The following RIF1 variants were observed in gnomAD, a reference collection of about 807,000 sequenced individuals.
The protein encoded by RIF1 is replication timing regulatory factor 1.
Under a neutral mutation model 247.1 loss-of-function variants are expected in RIF1, and 45 were observed. The observed-to-expected ratio is 0.18, with a 90% CI of 0.14 to 0.23. The LOEUF (loss-of-function observed/expected upper bound fraction) is 0.23, where lower values mean the gene tolerates loss of function less well. RIF1 is among the 10% of genes least tolerant of loss of function. The probability of loss-of-function intolerance (pLI) is 1.00; values close to 1 mark genes in which losing one functional copy is unlikely to be tolerated. For synonymous variants in RIF1, 1,087 were observed against 978.8 expected (o/e 1.11, Z -2.06); for missense variants, 2,967 against 2,862.5 (o/e 1.04, Z -0.83).
intron 13 of RIF1, among the ~76,000 whole-genome samples, chr2:151,437,768 T>C (rs1216688025): frequency 6.6e-6 from 1 of 152,214 alleles, no homozygotes; most frequent in Non-Finnish European, 1.5e-5. Flanking sequence ...TTGAGAACTT[T>C]ACATTTATTC....
intron 19 of RIF1, among the ~76,000 whole-genome samples, chr2:151,445,878 T>C (rs1377591011): frequency 6.6e-6 from 1 of 152,084 alleles, no homozygotes; most frequent in African/African-American, 2.4e-5. Context: ...ATGACTTTAT[T>C]ACTAGCTTAG....
At chr2:151,512,754 T>A, downstream of RIF1, 1 of 1,613,722 alleles carries the variant, frequency 6.2e-7, no homozygotes. Flanking sequence ...GATTCTTGAC[T>A]TGTTGGGCAT....
intron 11 of RIF1, 58 bp downstream of exon 11, chr2:151,435,638 G>A (rs1183545676): frequency 1.1e-6 from 1 of 918,408 alleles, no homozygotes; most frequent in Non-Finnish European, 1.7e-6. Flanking sequence ...TGACCTAGAA[G>A]CATAGTTTTG....
At chr2:151,512,339 C>T (rs1320609785), downstream of RIF1, among the ~76,000 whole-genome samples, 3 of 148,562 alleles carry the variant, frequency 2.0e-5, no homozygotes, top group Non-Finnish European at 4.5e-5. Context: ...GGGCTTCTCT[C>T]TTTTTTTTTT....
rs201857843 is a variant in RIF1 at position 151,425,969 on chromosome 2, G to A, written c.787-2815G>A. 7.3e-5 allele frequency among the ~76,000 whole-genome samples: 11 copies of A among 150,066 alleles called. No individual in the cohort carries two copies. The East Asian group carries it at 1.6e-3, about 22-fold the overall frequency. ...GCTGGGATTGCAGGCGTGAGCCACC[G>A]CGCCTGGCCTGTGGTACCCTTTTGA... On this transcript the variant is annotated intron_variant, in intron 8 of 35. Transcript: ENST00000444746.
chr2:151,429,477 G>T (rs569525018), intron 9 of RIF1, among the ~76,000 whole-genome samples: 1 of 152,202 alleles, frequency 6.6e-6, no homozygotes, highest in Non-Finnish European at 1.5e-5. Context: ...ACTGCCCCCA[G>T]CCTATTATTT....
At chr2:151,514,775 T>G in the RIF1 span, 1 of 1,300,044 alleles carries the variant, frequency 7.7e-7, no homozygotes, top group Non-Finnish European at 1.1e-6. Flanking sequence ...ACTAGTGCAA[T>G]TATTTGGATT....
At position 151,435,595 on chromosome 2, in the gene RIF1, T is replaced by C. The variant is rs200145246; in HGVS notation, c.1195+15T>C. On this transcript the variant is annotated intron_variant, in intron 11 of 35. Coordinates refer to ENST00000444746, the MANE Select transcript of RIF1 (RefSeq NM_018151.5). ...TGTACACAAAGGTAAGAGGTAGATA[T>C]TCTTGTTTTTTGCTTTTTTAATCAG... 2.1e-6 allele frequency: 3 copies of C among 1,434,676 alleles called. No homozygotes were observed. The highest frequency in any genetic ancestry group is 2.0e-6 in the Non-Finnish European group (2 of 1,019,138). The allele number at this position is 1,434,676 out of a possible 1,614,324, so 88.9% of individuals were successfully genotyped here. A position where few individuals can be genotyped will look rare whatever the true frequency, so the allele number is the denominator to read the frequency against.
At position 151,464,797 on chromosome 2, in the gene RIF1, T is replaced by C. The variant is rs758615147; in HGVS notation, c.5277T>C (p.Ile1759=). ...ATACAGAAAATAATGACGTAGAGAT[T>C]AGTGAAACAAAAAAGGCAGATGTGC... The part of the protein sequence containing the change: ...LKNTENNDVE[I]SETKKADVQA... The change falls in exon 30 of 36, where the codon ATT becomes ATC. Residue 1759 remains isoleucine, a synonymous_variant. Transcript: ENST00000444746. 1.3e-4 allele frequency: 204 copies of C among 1,613,780 alleles called. No homozygotes were observed. The highest frequency in any genetic ancestry group is 6.2e-4 in the Admixed American group (37 of 59,938).
chr2:151,431,629 A>C (rs1430518784), intron 9 of RIF1, among the ~76,000 whole-genome samples: 1 of 152,168 alleles, frequency 6.6e-6, no homozygotes, highest in Non-Finnish European at 1.5e-5. Flanking sequence ...CTTTACTAAA[A>C]ATACAAAGTT....
chr2:151,472,832 CTT>C (rs1559034875), intron 34 of RIF1, among the ~76,000 whole-genome samples: 1 of 152,008 alleles, frequency 6.6e-6, no homozygotes, highest in South Asian at 2.1e-4. Flanking sequence ...CTAAAAATCT[CTT>C]TTTTTGTTGT....
Position 151,465,461 on chromosome 2 carries a change from C to T in RIF1, c.5941C>T (p.Pro1981Ser), listed in dbSNP as rs762140214. 1.2e-5 allele frequency: 19 copies of T among 1,613,826 alleles called. No homozygotes were observed. Among genetic ancestry groups the T allele is most frequent in the Admixed American group, 3.3e-5 (2 of 59,984 alleles). ...TATTAGTCTTTCTGATAATACTACA[C>T]CTGTAAAATTGAATGCTCAAACTGA... The part of the protein sequence containing the change: ...SDISLSDNTT[P>S]VKLNAQTEIS... Residue 1981 changes from proline to serine, a missense_variant, in exon 30 of 36, where the codon CCT becomes TCT. Physicochemically the swap from Pro to Ser is moderately conservative, Grantham distance 74. Transcript: ENST00000444746.
chr2:151,465,776 GAAAC>G lies in RIF1; in HGVS notation c.6260_6263del (p.Thr2087IlefsTer11), dbSNP rs781418320. 1.2e-6 allele frequency: 2 copies of G among 1,613,270 alleles called. No homozygotes were observed. Among genetic ancestry groups the G allele is most frequent in the Non-Finnish European group, 1.7e-6 (2 of 1,179,340 alleles). On this transcript the variant is annotated frameshift_variant, in exon 30 of 36. Transcript: ENST00000444746. LOFTEE classifies it high-confidence loss of function. ...AGGAATCATTGACGCTAATAAAACT[GAAAC>G]AAATACTGAGTATAGTAAATCTGAA...
intron 20 of RIF1, among the ~76,000 whole-genome samples, chr2:151,449,270 T>C (rs1693849403): frequency 6.6e-6 from 1 of 152,184 alleles, no homozygotes. Context: ...AGGATTAATG[T>C]TTTTTTCTGC....
chr2:151,448,964 A>C lies in RIF1; in HGVS notation c.2244+2389A>C, dbSNP rs989674444. On this transcript the variant is annotated intron_variant, in intron 20 of 35. Transcript: ENST00000444746. ...TCAAATTTCACAAAATACCCTGTTG[A>C]GATTTTGCTTGGCTTTGATAAGGGT... 2.0e-5 allele frequency among the ~76,000 whole-genome samples: 3 copies of C among 152,204 alleles called. No homozygotes were observed. The East Asian group carries it at 5.8e-4, about 29-fold the overall frequency.
Position 151,454,988 on chromosome 2 carries a change from C to T in RIF1, c.2438C>T (p.Ser813Phe). The T allele has an allele frequency of 6.2e-7, 1 of 1,613,634 alleles. No homozygotes were observed. The highest frequency in any genetic ancestry group is 8.5e-7 in the Non-Finnish European group (1 of 1,179,674). Residue 813 changes from serine to phenylalanine, a missense_variant, in exon 22 of 36, where the codon TCT becomes TTT. Coordinates refer to ENST00000444746, the MANE Select transcript of RIF1 (RefSeq NM_018151.5). ...AAACTTATTGTGAAAGTGATCTATTCTTTCCACACACTGAGCTTCAAGGAA... is the reference window on the plus strand; with the variant it reads ...AAACTTATTGTGAAAGTGATCTATTTTTTCCACACACTGAGCTTCAAGGAA... The part of the protein sequence containing the change: ...LFKLIVKVIY[S>F]FHTLSFKEAH...
At chr2:151,450,250 T>A (rs1321928930) in intron 20 of RIF1, among the ~76,000 whole-genome samples, 1 of 152,196 alleles carries the variant, frequency 6.6e-6, no homozygotes, top group Non-Finnish European at 1.5e-5. Context: ...ATTAATTTTT[T>A]ATTTTACTGT....
chr2:151,438,703 C>G lies in RIF1; in HGVS notation c.1503C>G (p.Ile501Met). ...TGACAGATGTGGTTGTCAGTGCTAT[C>G]TGGAAGGAGCTAATTAGCTTGGTGA... ...KDAPDVVVSA[I>M]WKELISLVKS... Residue 501 changes from isoleucine (I) to methionine (M), a missense_variant, in exon 14 of 36, where the codon ATC becomes ATG. By Grantham distance (10) the Ile-to-Met change is conservative. Around this residue, in one of 7 missense-constraint regions of RIF1, gnomAD observed 369 missense variants for 322.0 expected, o/e 1.15. Coordinates refer to ENST00000444746, the MANE Select transcript of RIF1 (RefSeq NM_018151.5). 1 of 1,612,482 alleles carries G rather than the reference C, an allele frequency of 6.2e-7. No individual in the cohort carries two copies. Among genetic ancestry groups the G allele is most frequent in the Non-Finnish European group, 8.5e-7 (1 of 1,178,572 alleles).
At chr2:151,432,454 A>T (rs1690341730) in intron 9 of RIF1, among the ~76,000 whole-genome samples, 1 of 152,210 alleles carries the variant, frequency 6.6e-6, no homozygotes, top group African/African-American at 2.4e-5. Context: ...GATTATTGTT[A>T]AGATAGGGCA....
Sources: allele counts gnomAD v4.1 joint callset (sites outside exome capture counted in the v4.1 genomes callset), GRCh38; gene constraint gnomAD v4.1.1; regional missense constraint gnomAD v4.1.1; transcripts MANE v1.5; gene names NCBI Gene and HGNC (gene_info 2026-07-23, HGNC 2026-07-21).